NKAIN2: variants seen among roughly 807,000 people sequenced by gnomAD.
NKAIN2 encodes the protein sodium/potassium transporting ATPase interacting 2.
A neutral mutation model predicts 32.6 loss-of-function variants in NKAIN2; 14 were observed. That is an observed-to-expected ratio of 0.43 (90% CI 0.28 to 0.67). NKAIN2 has a LOEUF of 0.67. Ranked by LOEUF, NKAIN2 falls within the 30% of genes least tolerant of loss-of-function variation. NKAIN2 has a pLI of 0.17. For missense variants in NKAIN2, 198 were observed against 258.3 expected (o/e 0.77, Z 1.60); for synonymous variants, 80 against 87.2 (o/e 0.92, Z 0.46).
At chr6:124,211,737 C>A (rs1323099356) in intron 1 of NKAIN2, among the ~76,000 whole-genome samples, 1 of 151,942 alleles carries the variant, frequency 6.6e-6, no homozygotes, top group African/African-American at 2.4e-5. Flanking sequence ...TAGGCAATGG[C>A]TATTAATATT....
chr6:124,481,893 T>A (rs1000859131), intron 3 of NKAIN2, among the ~76,000 whole-genome samples: 5 of 152,142 alleles, frequency 3.3e-5, no homozygotes, highest in Admixed American at 6.5e-5. Flanking sequence ...AAATCATAGC[T>A]ATTGCAATGG....
intron 1 of NKAIN2, among the ~76,000 whole-genome samples, chr6:123,906,357 A>G (rs1355253706): frequency 2.7e-4 from 41 of 150,950 alleles, no homozygotes; most frequent in Admixed American, 2.7e-3. Flanking sequence ...ATCATGGCTC[A>G]CTGGCTCACT....
intron 2 of NKAIN2, among the ~76,000 whole-genome samples, chr6:124,297,845 A>C (rs911314242): frequency 1.3e-5 from 2 of 152,024 alleles, no homozygotes; most frequent in African/African-American, 4.8e-5. Flanking sequence ...AACCCTCAAA[A>C]TTTCATAAGA....
intron 4 of NKAIN2, among the ~76,000 whole-genome samples, chr6:124,705,941 C>G (rs1402882181): frequency 6.6e-6 from 1 of 151,962 alleles, no homozygotes; most frequent in African/African-American, 2.4e-5. Context: ...ATTGAGGGAC[C>G]CACAAATCCT....
At chr6:124,336,232 C>G (rs1360890643) in intron 2 of NKAIN2, among the ~76,000 whole-genome samples, 1 of 152,130 alleles carries the variant, frequency 6.6e-6, no homozygotes, top group South Asian at 2.1e-4. Context: ...AGCTCTCAGG[C>G]AGGTCAAATC....
intron 1 of NKAIN2, among the ~76,000 whole-genome samples, chr6:124,160,818 T>C (rs933643336): frequency 6.6e-6 from 1 of 152,158 alleles, no homozygotes; most frequent in African/African-American, 2.4e-5. Context: ...CAAACTACAA[T>C]GAAATTTTAG....
chr6:124,389,743 GTGTGT>G (rs747158070), intron 3 of NKAIN2, among the ~76,000 whole-genome samples: 2 of 148,944 alleles, frequency 1.3e-5, no homozygotes, highest in African/African-American at 2.6e-5. Flanking sequence ...GTGTGTGTGT[GTGTGT>G]GTGGGTTTGA....
intron 6 of NKAIN2, among the ~76,000 whole-genome samples, chr6:124,821,217 C>T (rs1348066723): frequency 1.3e-5 from 2 of 151,696 alleles, no homozygotes; most frequent in African/African-American, 4.8e-5. Context: ...ATCTCTGGAA[C>T]CTGGGAGGTG....
chr6:124,346,266 T>C (rs999683158), intron 2 of NKAIN2, among the ~76,000 whole-genome samples: 1 of 152,206 alleles, frequency 6.6e-6, no homozygotes, highest in Non-Finnish European at 1.5e-5. Context: ...ATGTGGTCAA[T>C]TTTGGAATAG....
At chr6:124,186,209 A>AGAAGGAAG (rs141803052) in intron 1 of NKAIN2, among the ~76,000 whole-genome samples, 1 of 148,734 alleles carries the variant, frequency 6.7e-6, no homozygotes, top group African/African-American at 2.5e-5. Flanking sequence ...AAAGAAGGAA[A>AGAAGGAAG]GAAGGAAGGA....
chr6:124,240,998 G>A (rs559320008), intron 1 of NKAIN2, among the ~76,000 whole-genome samples: 3 of 152,156 alleles, frequency 2.0e-5, no homozygotes, highest in Non-Finnish European at 2.9e-5. Context: ...AAACCCCATC[G>A]TCTCAGCCCA....
At chr6:124,101,751 C>T (rs184885342) in intron 1 of NKAIN2, among the ~76,000 whole-genome samples, 6 of 152,164 alleles carry the variant, frequency 3.9e-5, no homozygotes, top group South Asian at 4.2e-4. Flanking sequence ...AGGGATGCCA[C>T]GCTGGGCTCA....
intron 4 of NKAIN2, among the ~76,000 whole-genome samples, chr6:124,777,080 T>C (rs913192491): frequency 6.6e-6 from 1 of 152,188 alleles, no homozygotes; most frequent in Non-Finnish European, 1.5e-5. Flanking sequence ...TGTGATCAGA[T>C]TTTTTAGTAT....
intron 1 of NKAIN2, among the ~76,000 whole-genome samples, chr6:124,002,262 C>T (rs9388296): frequency 0.039 from 5,949 of 151,916 alleles, 207 homozygotes; most frequent in East Asian, 0.18. Context: ...TCAGATAATA[C>T]GTGGTTGGGG....
intron 1 of NKAIN2, among the ~76,000 whole-genome samples, chr6:124,000,146 A>G (rs1779812240): frequency 6.6e-6 from 1 of 152,126 alleles, no homozygotes; most frequent in Non-Finnish European, 1.5e-5. Flanking sequence ...TTTCTTAGCA[A>G]CTTCAAAGTG....
chr6:124,706,767 T>A (rs1415302642), intron 4 of NKAIN2, among the ~76,000 whole-genome samples: 2 of 152,158 alleles, frequency 1.3e-5, no homozygotes, highest in Non-Finnish European at 2.9e-5. Flanking sequence ...GTAATGACTG[T>A]CCAACTGAAA....
chr6:124,629,205 T>G (rs951755104), intron 3 of NKAIN2, among the ~76,000 whole-genome samples: 1 of 152,090 alleles, frequency 6.6e-6, no homozygotes, highest in Non-Finnish European at 1.5e-5. Context: ...ATCTATTGAG[T>G]CTAAGAATTA....
chr6:124,114,005 G>A (rs1785500341), intron 1 of NKAIN2, among the ~76,000 whole-genome samples: 1 of 152,008 alleles, frequency 6.6e-6, no homozygotes, highest in Admixed American at 6.6e-5. Flanking sequence ...ATGTCTCTTG[G>A]GTAAATACTA....
At chr6:123,957,401 C>G (rs1582841243) in intron 1 of NKAIN2, among the ~76,000 whole-genome samples, 1 of 152,192 alleles carries the variant, frequency 6.6e-6, no homozygotes, top group South Asian at 2.1e-4. Flanking sequence ...TAGCACAGCA[C>G]TAGTTACATT....
Sources: allele counts gnomAD v4.1 joint callset (sites outside exome capture counted in the v4.1 genomes callset), GRCh38; gene constraint gnomAD v4.1.1; transcripts MANE v1.5; gene names NCBI Gene and HGNC (gene_info 2026-07-23, HGNC 2026-07-21).